PPP2R2C: variants seen among roughly 807,000 people sequenced by gnomAD.
PPP2R2C encodes the protein protein phosphatase 2 regulatory subunit Bgamma.
In PPP2R2C, 10 loss-of-function variants were observed where a neutral mutation model predicts 45.3. That is an observed-to-expected ratio of 0.22 (90% CI 0.14 to 0.37). The LOEUF (loss-of-function observed/expected upper bound fraction) is 0.37. PPP2R2C is among the 10% of genes least tolerant of loss of function. PPP2R2C has a pLI of 1.00. For missense variants in PPP2R2C, 308 were observed against 619.7 expected (o/e 0.50, Z 5.34); for synonymous variants, 257 against 245.4 (o/e 1.05, Z -0.44).
rs142525834 is a variant in PPP2R2C, at chr4:6,357,978, A to G, written c.626-9968T>C. On this transcript the variant is annotated intron_variant, in intron 5 of 8. Coordinates refer to ENST00000382599, the MANE Select transcript of PPP2R2C (RefSeq NM_020416.4). ...TAATGACTTTCTTCACAGAACTGGAAAAAACTACTTTAAAATTCATATGGA... is the reference window on the plus strand; with the variant it reads ...TAATGACTTTCTTCACAGAACTGGAGAAAACTACTTTAAAATTCATATGGA... 6.5e-3 allele frequency among the ~76,000 whole-genome samples: 994 copies of G among 152,336 alleles called. 6 individuals are homozygous for G. The highest frequency in any genetic ancestry group is 0.054 in the Middle Eastern group (16 of 294).
At chr4:6,344,623 A>T (rs1452013634) in intron 6 of PPP2R2C, among the ~76,000 whole-genome samples, 1 of 152,204 alleles carries the variant, frequency 6.6e-6, no homozygotes. Flanking sequence ...TTCTGATTCA[A>T]AGTTCAAATC....
intron 2 of PPP2R2C, among the ~76,000 whole-genome samples, chr4:6,486,841 G>C (rs141295276): frequency 7.1e-4 from 108 of 152,132 alleles, no homozygotes; most frequent in African/African-American, 2.5e-3. Context: ...GCTGCTCAAA[G>C]TGATTATTGG....
rs34650552 is a variant in PPP2R2C, at chr4:6,341,509, T to C, written c.790+6337A>G. On this transcript the variant is annotated intron_variant, in intron 6 of 8. Transcript: ENST00000382599. Reference sequence around the variant, plus strand: ...GTGACCTTGGGCAAATGTCTTAATCTCTCTGTGCTTCAATGTAGCAGAGAA... The same window carrying C: ...GTGACCTTGGGCAAATGTCTTAATCCCTCTGTGCTTCAATGTAGCAGAGAA... Among the ~76,000 whole-genome samples, 399 of 152,238 alleles carry C rather than the reference T, an allele frequency of 2.6e-3. 5 individuals are homozygous for C. Among genetic ancestry groups the C allele is most frequent in the Admixed American group, 0.023 (358 of 15,288 alleles).
At chr4:6,524,152 C>T (rs1279768161) in intron 2 of PPP2R2C, among the ~76,000 whole-genome samples, 1 of 152,066 alleles carries the variant, frequency 6.6e-6, no homozygotes, top group African/African-American at 2.4e-5. Context: ...GAACTCCTGA[C>T]CTCAAGTGAT....
At chr4:6,397,608 C>T (rs551791369) in intron 1 of PPP2R2C, among the ~76,000 whole-genome samples, 1 of 100,006 alleles carries the variant, frequency 1.0e-5, no homozygotes, top group Non-Finnish European at 2.4e-5. Flanking sequence ...GGTTGGAACC[C>T]ACAGAGAGGG....
intron 1 of PPP2R2C, among the ~76,000 whole-genome samples, chr4:6,427,689 T>A (rs970725896): frequency 6.6e-6 from 1 of 152,236 alleles, no homozygotes; most frequent in Non-Finnish European, 1.5e-5. Flanking sequence ...GTGATGGATC[T>A]GTTTACACAT....
At position 6,341,668 on chromosome 4, in the gene PPP2R2C, C is replaced by G. The variant is rs1312562561; in HGVS notation, c.790+6178G>C. On this transcript the variant is annotated intron_variant, in intron 6 of 8. Coordinates refer to ENST00000382599, the MANE Select transcript of PPP2R2C (RefSeq NM_020416.4). Reference sequence around the variant, plus strand: ...AGGTACGGAGGTGACCCTGGATAATCTGGATGGGCCCAATGTCATCACAAG... The same window carrying G: ...AGGTACGGAGGTGACCCTGGATAATGTGGATGGGCCCAATGTCATCACAAG... 8.5e-5 allele frequency among the ~76,000 whole-genome samples: 13 copies of G among 152,246 alleles called. No homozygotes were observed. The East Asian group carries it at 2.3e-3, about 27-fold the overall frequency.
chr4:6,505,630 G>C (rs758133602), intron 2 of PPP2R2C, among the ~76,000 whole-genome samples: 6 of 152,226 alleles, frequency 3.9e-5, no homozygotes, highest in Admixed American at 3.9e-4. Flanking sequence ...CAGAGATAGA[G>C]ATTTAAAAGC....
chr4:6,488,910 A>G (rs1722611295), intron 2 of PPP2R2C, among the ~76,000 whole-genome samples: 1 of 152,202 alleles, frequency 6.6e-6, no homozygotes, highest in Admixed American at 6.5e-5. Context: ...CTGGTATCAC[A>G]GGTCCTTTTG....
chr4:6,348,728 A>T lies in PPP2R2C; in HGVS notation c.626-718T>A, dbSNP rs920231621. The T allele has an allele frequency of 1.6e-5, 16 of 983,418 alleles. 1 individual carries two copies. The African/African-American group carries it at 2.6e-4, about 16-fold the overall frequency. 60.9% of individuals were successfully genotyped at this position (983,418 alleles called of 1,614,324 possible). ...GAAGGAGCTTCTATCTGCTGCCAGG[A>T]CAAGGAGAAACCCTGGAGCTTGAGG... On this transcript the variant is annotated intron_variant, in intron 5 of 8. Coordinates refer to ENST00000382599, the MANE Select transcript of PPP2R2C (RefSeq NM_020416.4).
chr4:6,378,677 C>T lies in PPP2R2C; in HGVS notation c.169-105G>A, dbSNP rs907644622. 4.9e-6 allele frequency: 6 copies of T among 1,221,022 alleles called. No individual in the cohort carries two copies. Among genetic ancestry groups the T allele is most frequent in the Middle Eastern group, 2.7e-4 (1 of 3,736 alleles). The allele number at this position is 1,221,022 out of a possible 1,614,324, so 75.6% of individuals were successfully genotyped here. On this transcript the variant is annotated intron_variant, in intron 2 of 8. Transcript: ENST00000382599. The surrounding 1 kb of genome is among the most constrained non-coding windows in gnomAD (Gnocchi z 5.2). ...CCGGCCGTGGGACCAAGTGCCGAGC[C>T]GTGCCAGGGATCCAATTCGAGGGTC...
In PPP2R2C at chr4:6,341,789, G is replaced by C. The variant is rs566555498; in HGVS notation, c.790+6057C>G. On this transcript the variant is annotated intron_variant, in intron 6 of 8. Transcript: ENST00000382599. ...AATGATGAGCTGAGGAGTGCAGGCAGCCTCTAGAAGCCTCTAGTAGCTGGA... is the reference window on the plus strand; with the variant it reads ...AATGATGAGCTGAGGAGTGCAGGCACCCTCTAGAAGCCTCTAGTAGCTGGA... 2.4e-3 allele frequency among the ~76,000 whole-genome samples: 369 copies of C among 152,230 alleles called. 1 individual carries two copies. Among genetic ancestry groups the C allele is most frequent in the Middle Eastern group, 0.014 (4 of 294 alleles).
In PPP2R2C at chr4:6,465,911, C is replaced by T. The variant is rs1444982483; in HGVS notation, c.70+6249G>A. The stretch of plus-strand genomic sequence containing the variant: ...TGGTTCAATAATAAACAAGGAAGGA[C>T]TAGGAGGAAAAGGAACTATAGGTGC... On this transcript the variant is annotated intron_variant, in intron 1 of 8. Coordinates refer to ENST00000382599, the MANE Select transcript of PPP2R2C (RefSeq NM_020416.4). Among the ~76,000 whole-genome samples, 3 of 152,242 alleles carry T rather than the reference C, an allele frequency of 2.0e-5. No homozygotes were observed. In the East Asian group the frequency reaches 5.8e-4, roughly 29 times the overall value.
At chr4:6,476,010 G>T (rs1006695770), upstream of PPP2R2C, among the ~76,000 whole-genome samples, 1 of 152,208 alleles carries the variant, frequency 6.6e-6, no homozygotes, top group African/African-American at 2.4e-5. Flanking sequence ...CGGCGAGACA[G>T]TGGCCGCCTG....
At chr4:6,449,977 G>A (rs1171970999) in intron 1 of PPP2R2C, among the ~76,000 whole-genome samples, 2 of 152,302 alleles carry the variant, frequency 1.3e-5, no homozygotes, top group South Asian at 2.1e-4. Context: ...GGGAGCTGCC[G>A]AGCCCCATTT....
At chr4:6,474,563 G>A (rs779677740), upstream of PPP2R2C, among the ~76,000 whole-genome samples, 51 of 152,042 alleles carry the variant, frequency 3.4e-4, no homozygotes, top group Non-Finnish European at 1.0e-4. Flanking sequence ...CTCATCTCCC[G>A]GGATGTCCTG....
At chr4:6,355,198 T>C (rs1010315826) in intron 5 of PPP2R2C, among the ~76,000 whole-genome samples, 4 of 111,690 alleles carry the variant, frequency 3.6e-5, no homozygotes, top group Admixed American at 1.0e-4. Flanking sequence ...TAGTAAGTAG[T>C]TGCTGACTGA....
At chr4:6,341,878 AT>A (rs896414570) in intron 6 of PPP2R2C, among the ~76,000 whole-genome samples, 7 of 152,084 alleles carry the variant, frequency 4.6e-5, no homozygotes, top group African/African-American at 1.4e-4. Flanking sequence ...TGACGCCTTC[AT>A]TTTAGCCCGA....
chr4:6,448,281 T>A (rs977207844), intron 1 of PPP2R2C, among the ~76,000 whole-genome samples: 1 of 152,156 alleles, frequency 6.6e-6, no homozygotes, highest in South Asian at 2.1e-4. Context: ...GGGCACAGGC[T>A]GGGCACAGTG....
Sources: allele counts gnomAD v4.1 joint callset (sites outside exome capture counted in the v4.1 genomes callset), GRCh38; gene constraint gnomAD v4.1.1; non-coding constraint Gnocchi (gnomAD v3.1); transcripts MANE v1.5; gene names NCBI Gene and HGNC (gene_info 2026-07-23, HGNC 2026-07-21).